The following CCNY variants were observed in gnomAD, a reference collection of about 807,000 sequenced individuals.
The protein encoded by CCNY is cyclin-Y.
A neutral mutation model predicts 42.8 loss-of-function variants in CCNY; 19 were observed. That is an observed-to-expected ratio of 0.44 (90% CI 0.31 to 0.65). The LOEUF is 0.65. Among genes scored for constraint, CCNY ranks in the 30% least tolerant of loss-of-function variants. The pLI, the probability that CCNY is intolerant of heterozygous loss-of-function variation, is 0.07. For synonymous variants in CCNY, 165 were observed against 162.7 expected (o/e 1.01, Z -0.11); for missense variants, 370 against 437.3 (o/e 0.85, Z 1.37).
At position 35,267,404 on chromosome 10, in the gene CCNY, C is replaced by T. The variant is rs144380438; in HGVS notation, c.-9+16778C>T. ...TGGGCCTCTTTCTTCTCCAATTCTCCTTCCTGTTGACATGCTCAAACACTC... is the reference window on the plus strand; with the variant it reads ...TGGGCCTCTTTCTTCTCCAATTCTCTTTCCTGTTGACATGCTCAAACACTC... On this transcript the variant is annotated intron_variant, in intron 3 of 11. Transcript: ENST00000374706. Among the ~76,000 whole-genome samples the T allele has an allele frequency of 1.3e-4, 20 of 152,248 alleles. No homozygotes were observed. In the East Asian group the frequency reaches 2.7e-3, roughly 21 times the overall value.
chr10:35,352,804 G>A (rs1836456453), intron 1 of CCNY, among the ~76,000 whole-genome samples: 1 of 152,232 alleles, frequency 6.6e-6, no homozygotes, highest in African/African-American at 2.4e-5. Flanking sequence ...TGCCTGATTA[G>A]TGAGGGGAAA....
intron 3 of CCNY, among the ~76,000 whole-genome samples, chr10:35,271,879 A>G (rs1038423090): frequency 2.0e-5 from 3 of 152,202 alleles, no homozygotes; most frequent in African/African-American, 7.2e-5. Flanking sequence ...TGCTGGCCCC[A>G]GTGAAAATAC....
chr10:35,465,938 A>AGAGAGAGAGAGAGTGTGTGTGTGTGTGT, intron 1 of CCNY, among the ~76,000 whole-genome samples: 2 of 80,960 alleles, frequency 2.5e-5, no homozygotes, highest in African/African-American at 8.8e-5. Context: ...AGAGAGAGAG[A>AGAGAGAGAGAGAGTGTGTGTGTGTGTGT]GTGTGTGTGT....
chr10:35,372,098 A>G (rs1374838245), intron 1 of CCNY, among the ~76,000 whole-genome samples: 2 of 152,212 alleles, frequency 1.3e-5, no homozygotes, highest in Admixed American at 1.3e-4. Context: ...TGGCAGATGC[A>G]TATGTGCTTT....
chr10:35,341,394 C>G (rs1380431740), intron 1 of CCNY, among the ~76,000 whole-genome samples: 1 of 152,214 alleles, frequency 6.6e-6, no homozygotes, highest in Non-Finnish European at 1.5e-5. Context: ...CACTGGCAAT[C>G]CCAATGCATA....
At chr10:35,495,867 G>A (rs928259386) in intron 2 of CCNY, among the ~76,000 whole-genome samples, 2 of 152,204 alleles carry the variant, frequency 1.3e-5, no homozygotes, top group Non-Finnish European at 2.9e-5. Context: ...TCTGAACAGG[G>A]GCTCAACAGT....
chr10:35,446,662 G>T (rs919519111), intron 1 of CCNY, among the ~76,000 whole-genome samples: 13 of 152,144 alleles, frequency 8.5e-5, no homozygotes, highest in Admixed American at 3.3e-4. Context: ...GGTTAGTGAT[G>T]ATCTTCTTGT....
intron 1 of CCNY, among the ~76,000 whole-genome samples, chr10:35,359,946 C>CCT (rs1484964467): frequency 5.3e-5 from 8 of 152,250 alleles, no homozygotes; most frequent in Admixed American, 6.5e-5. Flanking sequence ...AAATTTCCTT[C>CCT]CTTTTTCAGG....
chr10:35,402,324 G>C (rs912402040), intron 1 of CCNY, among the ~76,000 whole-genome samples: 1 of 152,164 alleles, frequency 6.6e-6, no homozygotes, highest in Non-Finnish European at 1.5e-5. Flanking sequence ...AATAAAAGAA[G>C]GAGAAAACTA....
chr10:35,405,482 C>T (rs1837737323), intron 1 of CCNY, among the ~76,000 whole-genome samples: 2 of 152,016 alleles, frequency 1.3e-5, no homozygotes, highest in South Asian at 2.1e-4. Flanking sequence ...TTAAAAGTCT[C>T]GACCTAATAA....
At chr10:35,265,630 C>T (rs969916864) in intron 3 of CCNY, among the ~76,000 whole-genome samples, 2 of 152,212 alleles carry the variant, frequency 1.3e-5, no homozygotes, top group Non-Finnish European at 2.9e-5. Flanking sequence ...CTGAAGGTGC[C>T]GCTCCCGGCC....
At chr10:35,483,828 A>T (rs1206817164) in intron 2 of CCNY, among the ~76,000 whole-genome samples, 1 of 152,246 alleles carries the variant, frequency 6.6e-6, no homozygotes, top group Non-Finnish European at 1.5e-5. Context: ...GACAGTATGT[A>T]AAAGAAAGCA....
chr10:35,449,387 C>T (rs1203962518), intron 1 of CCNY, among the ~76,000 whole-genome samples: 1 of 151,924 alleles, frequency 6.6e-6, no homozygotes, highest in Non-Finnish European at 1.5e-5. Flanking sequence ...GAGATGTGGC[C>T]ATTGAATTAG....
At chr10:35,341,142 C>A (rs1325218956) in intron 1 of CCNY, among the ~76,000 whole-genome samples, 2 of 152,232 alleles carry the variant, frequency 1.3e-5, no homozygotes, top group African/African-American at 4.8e-5. Context: ...GTCGCTGGGG[C>A]CCCTTGGGAT....
chr10:35,362,101 T>A (rs1260891465), intron 1 of CCNY, among the ~76,000 whole-genome samples: 1 of 152,098 alleles, frequency 6.6e-6, no homozygotes, highest in East Asian at 1.9e-4. Context: ...TGGAGCCCCA[T>A]CCCCAAGTTT....
Position 35,475,903 on chromosome 10 carries a change from G to T in CCNY, c.155-7501G>T, listed in dbSNP as rs1365664094. On this transcript the variant is annotated intron_variant, in intron 1 of 9. Transcript: ENST00000374704. ...TGTATTCAGGAAACCCATCTCACGT[G>T]CAGAGACACACATAGGCTCAAAATA... Among the ~76,000 whole-genome samples, 84 of 151,528 alleles carry T rather than the reference G, an allele frequency of 5.5e-4. 2 individuals are homozygous for T. The highest frequency in any genetic ancestry group is 5.3e-3 in the Admixed American group (81 of 15,214).
chr10:35,292,775 G>GTTT (rs1835428320), intron 3 of CCNY, among the ~76,000 whole-genome samples: 1 of 116,336 alleles, frequency 8.6e-6, no homozygotes, highest in Non-Finnish European at 1.8e-5. Flanking sequence ...AGAGTGCTTT[G>GTTT]TTTTTGTTTT....
chr10:35,335,740 G>A (rs1030458327), upstream of CCNY, among the ~76,000 whole-genome samples: 1 of 151,690 alleles, frequency 6.6e-6, no homozygotes, highest in African/African-American at 2.4e-5. Context: ...GCCTGGCTTA[G>A]TGGCGGGCGC....
intron 1 of CCNY, among the ~76,000 whole-genome samples, chr10:35,425,487 A>G (rs2135269945): frequency 6.6e-6 from 1 of 152,346 alleles, no homozygotes; most frequent in South Asian, 2.1e-4. Context: ...ATAACTCCGT[A>G]ATAGAATATT....
Sources: allele counts gnomAD v4.1 joint callset (sites outside exome capture counted in the v4.1 genomes callset), GRCh38; gene constraint gnomAD v4.1.1; transcripts MANE v1.5; gene names NCBI Gene and HGNC (gene_info 2026-07-23, HGNC 2026-07-21).